The following METTL24 variants were observed in gnomAD, a reference collection of about 807,000 sequenced individuals.
METTL24 encodes methyltransferase like 24.
METTL24 carries 29 observed loss-of-function variants against 32.7 expected under a neutral mutation model. That is an observed-to-expected ratio of 0.89 (90% CI 0.66 to 1.21). The LOEUF (loss-of-function observed/expected upper bound fraction) is 1.21. Among genes scored for constraint, METTL24 ranks in the 50% most tolerant of loss-of-function variants. The pLI, the probability that METTL24 is intolerant of heterozygous loss-of-function variation, is 0.00. For missense variants in METTL24, 439 were observed against 468.1 expected, an observed-to-expected ratio of 0.94 and a Z score of 0.57; for synonymous variants, 163 against 179.5, an observed-to-expected ratio of 0.91 and a Z score of 0.73.
chr6:110,282,606 T>C (rs1484871733), intron 4 of METTL24, among the ~76,000 whole-genome samples: 1 of 152,156 alleles, frequency 6.6e-6, no homozygotes, highest in East Asian at 1.9e-4. Flanking sequence ...CAACTCCCAC[T>C]GGGCACCACG....
At chr6:110,285,112 G>A (rs542449081) in intron 4 of METTL24, among the ~76,000 whole-genome samples, 13 of 152,312 alleles carry the variant, frequency 8.5e-5, no homozygotes, top group African/African-American at 2.6e-4. Flanking sequence ...TCACATGGGT[G>A]GTTTTTTCCT....
intron 1 of METTL24, among the ~76,000 whole-genome samples, chr6:110,340,142 C>T (rs1772323325): frequency 6.6e-6 from 1 of 151,840 alleles, no homozygotes; most frequent in Non-Finnish European, 1.5e-5. Flanking sequence ...CACAGCTCTT[C>T]TTCAAGGTCT....
At chr6:110,335,003 T>C (rs1256216407) in intron 1 of METTL24, among the ~76,000 whole-genome samples, 1 of 152,176 alleles carries the variant, frequency 6.6e-6, no homozygotes, top group Non-Finnish European at 1.5e-5. Flanking sequence ...AAAGCTTCTT[T>C]TGAATCTCTG....
chr6:110,322,412 C>T (rs1250649048), intron 2 of METTL24, among the ~76,000 whole-genome samples: 5 of 152,202 alleles, frequency 3.3e-5, no homozygotes, highest in African/African-American at 1.2e-4. Flanking sequence ...GGTGCTTGAA[C>T]CTCTAGATGA....
intron 3 of METTL24, among the ~76,000 whole-genome samples, chr6:110,303,141 G>A (rs937408662): frequency 3.9e-5 from 6 of 152,146 alleles, no homozygotes; most frequent in African/African-American, 1.4e-4. Context: ...CGGATACTAC[G>A]CTTTTCCCAT....
At chr6:110,324,823 T>C (rs9487378) in intron 1 of METTL24, among the ~76,000 whole-genome samples, 6,568 of 152,290 alleles carry the variant, frequency 0.043, 511 homozygotes, top group African/African-American at 0.15. Flanking sequence ...GGTCAAACAA[T>C]ATTTATTGAG....
At chr6:110,285,836 A>C (rs553006868) in intron 4 of METTL24, among the ~76,000 whole-genome samples, 85 of 152,360 alleles carry the variant, frequency 5.6e-4, no homozygotes, top group African/African-American at 1.9e-3. Context: ...AACTTCTTGA[A>C]AATGGCAAGA....
chr6:110,275,804 T>A (rs141128492), intron 4 of METTL24, among the ~76,000 whole-genome samples: 1 of 152,322 alleles, frequency 6.6e-6, no homozygotes, highest in African/African-American at 2.4e-5. Context: ...ATGAACTAGA[T>A]AGTAGTTAAT....
intron 4 of METTL24, among the ~76,000 whole-genome samples, chr6:110,258,062 T>C (rs1457764507): frequency 6.6e-6 from 1 of 152,192 alleles, no homozygotes; most frequent in Non-Finnish European, 1.5e-5. Flanking sequence ...TCCATATCAT[T>C]GGGCTGTGTT....
At chr6:110,340,618 G>T (rs369958064) in intron 1 of METTL24, among the ~76,000 whole-genome samples, 4 of 152,210 alleles carry the variant, frequency 2.6e-5, no homozygotes, top group African/African-American at 9.7e-5. Flanking sequence ...GCAAATGAAT[G>T]TGCATGTGTG....
chr6:110,301,399 C>T (rs1028956194), intron 3 of METTL24, among the ~76,000 whole-genome samples: 2 of 152,190 alleles, frequency 1.3e-5, no homozygotes, highest in Admixed American at 1.3e-4. Flanking sequence ...GAGAAAGAGT[C>T]CTTCCCTGCC....
intron 3 of METTL24, among the ~76,000 whole-genome samples, chr6:110,312,972 C>T (rs1771750928): frequency 6.6e-6 from 1 of 152,224 alleles, no homozygotes; most frequent in African/African-American, 2.4e-5. Context: ...TAGAGATTTA[C>T]ATTGGTTACT....
intron 1 of METTL24, among the ~76,000 whole-genome samples, chr6:110,332,883 T>G (rs1036205598): frequency 4.0e-5 from 6 of 148,894 alleles, no homozygotes; most frequent in African/African-American, 1.5e-4. Flanking sequence ...CACTCTAGCC[T>G]GGGCAACAGA....
rs117024490 is a variant in METTL24 at position 110,244,631 on chromosome 6, G to C, written c.*1315C>G. On this transcript the variant is annotated 3_prime_UTR_variant, in exon 5 of 5. Coordinates refer to ENST00000338882, the MANE Select transcript of METTL24 (RefSeq NM_001123364.3). ...TCCTTCTTCATATGGCAGCAGGAAG[G>C]AGAAAAATGAGAGCCAAGTGAAGGG... 4.2e-3 allele frequency among the ~76,000 whole-genome samples: 640 copies of C among 152,212 alleles called. 33 individuals are homozygous for C. In the East Asian group the frequency reaches 0.11, roughly 26 times the overall value.
At chr6:110,266,084 T>C (rs1211838583) in intron 4 of METTL24, among the ~76,000 whole-genome samples, 1 of 151,970 alleles carries the variant, frequency 6.6e-6, no homozygotes, top group Non-Finnish European at 1.5e-5. Context: ...AACAATTTTT[T>C]TGTAGAGATG....
intron 4 of METTL24, among the ~76,000 whole-genome samples, chr6:110,259,471 G>C (rs1043673703): frequency 3.3e-5 from 5 of 152,230 alleles, no homozygotes; most frequent in Admixed American, 1.3e-4. Flanking sequence ...CGGCCAGGAA[G>C]CTTGAACTGG....
chr6:110,292,339 C>A (rs1050953622), intron 4 of METTL24, among the ~76,000 whole-genome samples: 30 of 152,292 alleles, frequency 2.0e-4, no homozygotes, highest in African/African-American at 6.5e-4. Context: ...AATTTATATT[C>A]CTGCGACTTT....
intron 1 of METTL24, among the ~76,000 whole-genome samples, chr6:110,329,901 G>A (rs1772083796): frequency 6.6e-6 from 1 of 152,260 alleles, no homozygotes; most frequent in Non-Finnish European, 1.5e-5. Context: ...AATGCACAGA[G>A]CGGTTATTTG....
chr6:110,270,743 A>G (rs1770942308), intron 4 of METTL24, among the ~76,000 whole-genome samples: 1 of 151,956 alleles, frequency 6.6e-6, no homozygotes, highest in Non-Finnish European at 1.5e-5. Flanking sequence ...TCCTCATACC[A>G]CTGTTTTCCA....
Sources: gnomAD v4.1 joint callset for allele counts (sites outside exome capture counted in the v4.1 genomes callset) on GRCh38, gnomAD v4.1.1 for gene constraint, MANE v1.5 for transcripts, NCBI Gene and HGNC (gene_info 2026-07-23, HGNC 2026-07-21) for gene names.